AOPEP: variants seen among roughly 807,000 people sequenced by gnomAD.
AOPEP encodes the protein aminopeptidase O.
Under a neutral mutation model 98.1 loss-of-function variants are expected in AOPEP, and 77 were observed. The ratio of observed to expected loss-of-function variants is 0.78; its 90% CI spans 0.65 to 0.95. AOPEP has a LOEUF of 0.95. Ranked by LOEUF, AOPEP falls within the 40% of genes least tolerant of loss-of-function variation. The pLI is 0.00. For synonymous variants in AOPEP, 346 were observed against 365.3 expected (o/e 0.95, Z 0.60); for missense variants, 1,024 against 1,024.7 (o/e 1.00, Z 0.01).
At chr9:95,107,247 C>G in the AOPEP span, 1 of 1,613,980 alleles carries the variant, frequency 6.2e-7, no homozygotes. Flanking sequence ...CAGGAGGTGG[C>G]CCAGCACGGC....
chr9:94,766,590 C>T (rs999623176), intron 2 of AOPEP, among the ~76,000 whole-genome samples: 2 of 152,060 alleles, frequency 1.3e-5, no homozygotes, highest in Non-Finnish European at 2.9e-5. Flanking sequence ...TTCTCTTTTT[C>T]GTTAGAATCA....
In AOPEP at chr9:94,816,596, T is replaced by C. The variant is rs554719547; in HGVS notation, c.1364+15594T>C. Among the ~76,000 whole-genome samples the C allele has an allele frequency of 7.9e-5, 12 of 152,272 alleles. No individual in the cohort carries two copies. The South Asian group carries it at 1.9e-3, about 24-fold the overall frequency. On this transcript the variant is annotated intron_variant, in intron 5 of 16. Coordinates refer to ENST00000375315, the MANE Select transcript of AOPEP (RefSeq NM_001193329.3). ...GGTGACCCTGGCAGGGCTCTGTTCC[T>C]TCAGTAGGGAGGGCATATAGGTTGG...
downstream of AOPEP, among the ~76,000 whole-genome samples, chr9:95,090,596 T>G (rs77800520): frequency 7.4e-3 from 1,121 of 152,214 alleles, 14 homozygotes; most frequent in African/African-American, 0.026. Flanking sequence ...CTTGGTCGCC[T>G]GCAGGCCTCG....
At chr9:95,093,125 G>T in the AOPEP span, among the ~76,000 whole-genome samples, 1 of 152,110 alleles carries the variant, frequency 6.6e-6, no homozygotes, top group Non-Finnish European at 1.5e-5. Context: ...ATAGTTTGAT[G>T]ATTGTATCTG....
At chr9:95,118,567 A>C in the AOPEP span, among the ~76,000 whole-genome samples, 1 of 152,228 alleles carries the variant, frequency 6.6e-6, no homozygotes, top group African/African-American at 2.4e-5. Context: ...AATTCTTAAC[A>C]ATCATTCCCT....
At chr9:94,928,382 C>T in intron 6 of AOPEP, 43 bp from the exon 7 acceptor site, 1 of 1,386,216 alleles carries the variant, frequency 7.2e-7, no homozygotes, top group South Asian at 1.3e-5. Context: ...ACAACAGTGA[C>T]TGTGTTTTGT....
At chr9:94,831,837 A>C (rs1175243199) in intron 5 of AOPEP, among the ~76,000 whole-genome samples, 1 of 152,094 alleles carries the variant, frequency 6.6e-6, no homozygotes, top group Non-Finnish European at 1.5e-5. Context: ...GATTTCCTCA[A>C]GGAGAACTAC....
chr9:94,981,249 G>T (rs1437532615), intron 11 of AOPEP, among the ~76,000 whole-genome samples: 3 of 152,064 alleles, frequency 2.0e-5, no homozygotes, highest in African/African-American at 7.2e-5. Context: ...AAGAGGGAGG[G>T]GTCTGTGGCA....
intron 13 of AOPEP, among the ~76,000 whole-genome samples, chr9:95,025,194 G>T (rs746201305): frequency 3.9e-5 from 6 of 152,170 alleles, no homozygotes; most frequent in Non-Finnish European, 8.8e-5. Flanking sequence ...TGGTCTTATG[G>T]CTGGGGCAGT....
chr9:94,806,077 C>T (rs1464067996), intron 5 of AOPEP, among the ~76,000 whole-genome samples: 1 of 152,158 alleles, frequency 6.6e-6, no homozygotes, highest in Non-Finnish European at 1.5e-5. Context: ...AACAATCCTT[C>T]TTTAGATTTC....
intron 9 of AOPEP, among the ~76,000 whole-genome samples, chr9:94,956,949 G>C (rs547650533): frequency 2.0e-5 from 3 of 152,210 alleles, no homozygotes; most frequent in East Asian, 3.9e-4. Flanking sequence ...TTTTATTTTT[G>C]TACTGGGTGT....
At chr9:95,009,221 T>TA (rs1396455851) in intron 13 of AOPEP, among the ~76,000 whole-genome samples, 1 of 152,092 alleles carries the variant, frequency 6.6e-6, no homozygotes, top group African/African-American at 2.4e-5. Context: ...TCTTTTTTTT[T>TA]ACCTTCGTTA....
At chr9:94,931,790 C>A in intron 7 of AOPEP, 12 of 1,549,404 alleles carry the variant, frequency 7.7e-6, no homozygotes, top group Non-Finnish European at 1.0e-5. Context: ...TTTGACCACT[C>A]TGTCCTAAAA....
At chr9:95,114,200 G>T in the AOPEP span, 1 of 282,416 alleles carries the variant, frequency 3.5e-6, no homozygotes, top group Non-Finnish European at 7.0e-6. Flanking sequence ...CCACCCTACT[G>T]TGTAGGAGTT....
At chr9:95,098,462 A>AGGAGT in the AOPEP span, among the ~76,000 whole-genome samples, 1 of 152,174 alleles carries the variant, frequency 6.6e-6, no homozygotes, top group African/African-American at 2.4e-5. Context: ...GAGGCTCCTC[A>AGGAGT]GGAGTGTCTT....
At chr9:94,923,648 G>C (rs765510533) in intron 5 of AOPEP, among the ~76,000 whole-genome samples, 2 of 152,176 alleles carry the variant, frequency 1.3e-5, no homozygotes, top group Non-Finnish European at 2.9e-5. Context: ...TGTCACACCT[G>C]CTCTTCTTTT....
intron 13 of AOPEP, among the ~76,000 whole-genome samples, chr9:95,022,486 C>T (rs547784768): frequency 5.9e-5 from 9 of 152,226 alleles, no homozygotes; most frequent in South Asian, 4.2e-4. Context: ...TACGGGTGCC[C>T]GCCACCATGC....
In AOPEP at chr9:94,773,073, C is replaced by G; in HGVS notation, c.869C>G (p.Ala290Gly). The G allele has an allele frequency of 6.2e-7, 1 of 1,614,076 alleles. No homozygotes were observed. Among genetic ancestry groups the G allele is most frequent in the Non-Finnish European group, 8.5e-7 (1 of 1,179,976 alleles). The part of the protein sequence containing the change: ...ALFPCQEPPV[A>G]MSTWQATVRA... Reference sequence around the variant, plus strand: ...TTTCCATGCCAGGAGCCACCCGTTGCCATGTCAACATGGCAGGCTACAGTT... The same window carrying G: ...TTTCCATGCCAGGAGCCACCCGTTGGCATGTCAACATGGCAGGCTACAGTT... The change falls in exon 3 of 17, where the codon GCC (alanine) becomes GGC (glycine). Residue 290 changes from alanine (A) to glycine (G), a missense_variant. By Grantham distance (60) the Ala-to-Gly change is moderately conservative (BLOSUM62 0). Coordinates refer to ENST00000375315, the MANE Select transcript of AOPEP (RefSeq NM_001193329.3).
intron 7 of AOPEP, chr9:94,933,501 A>G (rs1166506658): frequency 3.0e-6 from 3 of 985,278 alleles, no homozygotes; most frequent in Non-Finnish European, 3.6e-6. Context: ...TGGAACTCTT[A>G]ATCTTAGCTG....
Sources: allele counts gnomAD v4.1 joint callset (sites outside exome capture counted in the v4.1 genomes callset), GRCh38; gene constraint gnomAD v4.1.1; transcripts MANE v1.5; gene names NCBI Gene and HGNC (gene_info 2026-07-23, HGNC 2026-07-21).